The following PDE10A variants were observed in gnomAD, a reference collection of about 807,000 sequenced individuals.
PDE10A encodes cAMP and cAMP-inhibited cGMP 3',5'-cyclic phosphodiesterase 10A.
A neutral mutation model predicts 97.7 loss-of-function variants in PDE10A; 39 were observed. That is an observed-to-expected ratio of 0.40 (90% CI 0.31 to 0.52). The LOEUF (loss-of-function observed/expected upper bound fraction) is 0.52. PDE10A is among the 20% of genes least tolerant of loss of function. The pLI is 0.56. For synonymous variants in PDE10A, 371 were observed against 376.8 expected (o/e 0.98, Z 0.18); for missense variants, 731 against 1,047.8 (o/e 0.70, Z 4.17).
intron 1 of PDE10A, among the ~76,000 whole-genome samples, chr6:165,875,746 T>TTTTTTTTG (rs780504850): frequency 1.0e-3 from 150 of 147,062 alleles, no homozygotes; most frequent in Middle Eastern, 6.9e-3. Context: ...TTTTTTTTTT[T>TTTTTTTTG]TGTGTGTGTG....
intron 1 of PDE10A, among the ~76,000 whole-genome samples, chr6:165,840,074 C>T (rs371192219): frequency 1.7e-3 from 1 of 606 alleles, no homozygotes; most frequent in Admixed American, 0.019. Context: ...TCATCTCCAT[C>T]CCCACCTTCA....
At chr6:165,401,694 T>C (rs766807846) in intron 13 of PDE10A, among the ~76,000 whole-genome samples, 1 of 152,184 alleles carries the variant, frequency 6.6e-6, no homozygotes, top group Non-Finnish European at 1.5e-5. Context: ...TGGACACTGC[T>C]GTCACCTTTT....
At chr6:165,827,612 A>G (rs1779798882) in intron 1 of PDE10A, among the ~76,000 whole-genome samples, 1 of 152,168 alleles carries the variant, frequency 6.6e-6, no homozygotes, top group African/African-American at 2.4e-5. Context: ...TACTGAACAT[A>G]CATTATGTAT....
chr6:165,387,390 TA>T (rs1167108962), intron 17 of PDE10A, among the ~76,000 whole-genome samples: 3 of 152,008 alleles, frequency 2.0e-5, no homozygotes, highest in Non-Finnish European at 4.4e-5. Context: ...CGTGGACAGT[TA>T]AATGAGGAGG....
At position 165,332,575 on chromosome 6, in the gene PDE10A, T is replaced by G. The variant is rs1188628868; in HGVS notation, c.*450A>C. 6.4e-6 allele frequency: 1 copy of G among 155,956 alleles called. No individual in the cohort carries two copies. Among genetic ancestry groups the G allele is most frequent in the African/African-American group, 2.4e-5 (1 of 41,484 alleles). 9.7% of individuals were successfully genotyped at this position (155,956 alleles called of 1,614,324 possible). A position where few individuals can be genotyped will look rare whatever the true frequency, so the allele number is the denominator to read the frequency against. ...ACATTCACCATTCACAATAGTAATG[T>G]GTAAAAATTCCTATTTATATCCAAC... On this transcript the variant is annotated 3_prime_UTR_variant, in exon 22 of 22. Coordinates refer to ENST00000539869, the MANE Select transcript of PDE10A (RefSeq NM_001385079.1).
intron 1 of PDE10A, among the ~76,000 whole-genome samples, chr6:165,589,933 G>C (rs1786151045): frequency 6.6e-6 from 1 of 152,118 alleles, no homozygotes; most frequent in African/African-American, 2.4e-5. Flanking sequence ...TAAAGAAAAT[G>C]TAAATCATTA....
intron 1 of PDE10A, among the ~76,000 whole-genome samples, chr6:165,882,044 C>T (rs917941029): frequency 4.6e-5 from 7 of 152,154 alleles, no homozygotes; most frequent in East Asian, 3.9e-4. Flanking sequence ...CCTCTCATTT[C>T]GTCAGACACC....
intron 2 of PDE10A, among the ~76,000 whole-genome samples, chr6:165,507,738 GAT>G (rs1377098833): frequency 4.6e-5 from 7 of 151,978 alleles, no homozygotes; most frequent in Non-Finnish European, 1.0e-4. Flanking sequence ...GAGTTCTACT[GAT>G]GGGCCCTATT....
intron 18 of PDE10A, among the ~76,000 whole-genome samples, chr6:165,343,711 G>A (rs951019870): frequency 1.3e-5 from 2 of 152,150 alleles, no homozygotes; most frequent in South Asian, 2.1e-4. Flanking sequence ...CACAAGTCCC[G>A]TGAGGAGTGC....
chr6:165,913,700 T>C (rs1047316616), intron 1 of PDE10A, among the ~76,000 whole-genome samples: 4 of 152,076 alleles, frequency 2.6e-5, no homozygotes, highest in African/African-American at 9.7e-5. Flanking sequence ...TGGGTCACGG[T>C]TTCATAAAAG....
At chr6:165,708,381 G>A (rs898265336) in intron 1 of PDE10A, among the ~76,000 whole-genome samples, 1 of 151,984 alleles carries the variant, frequency 6.6e-6, no homozygotes, top group Non-Finnish European at 1.5e-5. Flanking sequence ...TCTCCTCCAG[G>A]AGGACCCGTT....
At chr6:165,953,189 C>A (rs1784022012) in intron 1 of PDE10A, among the ~76,000 whole-genome samples, 1 of 152,176 alleles carries the variant, frequency 6.6e-6, no homozygotes, top group Admixed American at 6.5e-5. Flanking sequence ...GTTAATAGTA[C>A]TCCATTCCTA....
At chr6:165,455,570 A>G (rs906724736) in intron 3 of PDE10A, among the ~76,000 whole-genome samples, 2 of 152,134 alleles carry the variant, frequency 1.3e-5, no homozygotes, top group African/African-American at 2.4e-5. Flanking sequence ...AACTTCAAAA[A>G]CTACTAACTG....
intron 18 of PDE10A, among the ~76,000 whole-genome samples, chr6:165,376,972 C>T (rs1784644427): frequency 6.6e-6 from 1 of 152,180 alleles, no homozygotes; most frequent in Admixed American, 6.6e-5. Flanking sequence ...CTATGATTTG[C>T]AACCACCACC....
At chr6:165,423,396 C>T (rs1041188407) in intron 10 of PDE10A, among the ~76,000 whole-genome samples, 6 of 152,150 alleles carry the variant, frequency 3.9e-5, no homozygotes, top group African/African-American at 7.2e-5. Context: ...GGCCGCAGGG[C>T]GTCTGGAAAT....
intron 13 of PDE10A, among the ~76,000 whole-genome samples, chr6:165,411,613 C>T (rs1451318794): frequency 6.6e-6 from 1 of 152,152 alleles, no homozygotes; most frequent in East Asian, 1.9e-4. Context: ...CCCTAGCAAG[C>T]TAATACAGTA....
intron 1 of PDE10A, among the ~76,000 whole-genome samples, chr6:165,772,184 T>C (rs1490775786): frequency 6.6e-6 from 1 of 152,226 alleles, no homozygotes. Context: ...TAAAGCATTG[T>C]GTTTTTGAAG....
intron 1 of PDE10A, among the ~76,000 whole-genome samples, chr6:165,691,574 C>G (rs1291727305): frequency 1.5e-5 from 2 of 131,020 alleles, no homozygotes; most frequent in Non-Finnish European, 3.2e-5. Flanking sequence ...TGCCCATGCG[C>G]ACGCATGCAC....
chr6:165,894,375 C>T, intron 1 of PDE10A: 1 of 456,052 alleles, frequency 2.2e-6, no homozygotes, highest in South Asian at 1.5e-5. Context: ...CCTCGACAGG[C>T]CAGAACACTT....
Sources: allele counts gnomAD v4.1 joint callset (sites outside exome capture counted in the v4.1 genomes callset), GRCh38; gene constraint gnomAD v4.1.1; transcripts MANE v1.5; gene names NCBI Gene and HGNC (gene_info 2026-07-23, HGNC 2026-07-21).